The following ZFAT variants were observed in gnomAD, a reference collection of about 807,000 sequenced individuals.
ZFAT encodes zinc finger protein ZFAT.
In ZFAT, 64 loss-of-function variants were observed where a neutral mutation model predicts 117.7. That is an observed-to-expected ratio of 0.54 (90% CI 0.44 to 0.67). The LOEUF (loss-of-function observed/expected upper bound fraction) is 0.67, where lower values mean the gene tolerates loss of function less well. Ranked by LOEUF, ZFAT falls within the 30% of genes least tolerant of loss-of-function variation. The pLI, the probability that ZFAT is intolerant of heterozygous loss-of-function variation, is 0.00. For synonymous variants in ZFAT, 679 were observed against 615.0 expected (o/e 1.10, Z -1.54); for missense variants, 1,433 against 1,584.5 (o/e 0.90, Z 1.62).
At chr8:134,560,730 G>C (rs1823986813) in intron 11 of ZFAT, among the ~76,000 whole-genome samples, 1 of 152,148 alleles carries the variant, frequency 6.6e-6, no homozygotes, top group Non-Finnish European at 1.5e-5. Context: ...AAAGCAAAGA[G>C]TTGAATAGCT....
At position 134,712,908 on chromosome 8, in the gene ZFAT, G is replaced by C. The variant is rs1465919644; in HGVS notation, c.-45C>G. ...GGAAAAAAAAGCCTCGGGCTCTTCCGGGCCCCCTCCCGTGCCGACCGAGGG... is the reference window on the plus strand; with the variant it reads ...GGAAAAAAAAGCCTCGGGCTCTTCCCGGCCCCCTCCCGTGCCGACCGAGGG... On this transcript the variant is annotated 5_prime_UTR_variant, in exon 1 of 16. Coordinates refer to ENST00000377838, the MANE Select transcript of ZFAT (RefSeq NM_020863.4). 2 of 1,460,164 alleles carry C rather than the reference G, an allele frequency of 1.4e-6. No individual in the cohort carries two copies. Among genetic ancestry groups the C allele is most frequent in the African/African-American group, 3.0e-5 (2 of 65,874 alleles). The allele number at this position is 1,460,164 out of a possible 1,614,324, so 90.5% of individuals were successfully genotyped here.
chr8:134,664,447 G>A (rs1832106576), intron 1 of ZFAT, among the ~76,000 whole-genome samples: 2 of 152,180 alleles, frequency 1.3e-5, no homozygotes, highest in East Asian at 1.9e-4. Flanking sequence ...CCCCAGGGGC[G>A]CTCTATGCTG....
At chr8:134,757,406 T>C in the ZFAT span, among the ~76,000 whole-genome samples, 46 of 152,290 alleles carry the variant, frequency 3.0e-4, 1 homozygote, top group South Asian at 9.3e-3. Context: ...TTTGCAGGGA[T>C]TCCTGTCTAA....
intron 14 of ZFAT, chr8:134,510,072 T>G: frequency 2.1e-6 from 1 of 468,694 alleles, no homozygotes; most frequent in Non-Finnish European, 4.2e-6. Flanking sequence ...GTGCTCTGAG[T>G]CCTAACATGC....
At chr8:134,503,749 C>A (rs962430024) in intron 15 of ZFAT, among the ~76,000 whole-genome samples, 2 of 152,106 alleles carry the variant, frequency 1.3e-5, no homozygotes, top group Non-Finnish European at 2.9e-5. Context: ...GTTTTTCCTG[C>A]CTTTGATCTC....
At chr8:134,832,315 T>A in the ZFAT span, among the ~76,000 whole-genome samples, 1 of 151,550 alleles carries the variant, frequency 6.6e-6, no homozygotes, top group Non-Finnish European at 1.5e-5. Flanking sequence ...AGAGCGGCTG[T>A]GCGCGCGCGT....
chr8:134,639,735 C>T, intron 2 of ZFAT: 1 of 456,310 alleles, frequency 2.2e-6, no homozygotes, highest in Non-Finnish European at 4.4e-6. Context: ...CAATTCATAT[C>T]AGAGAAGCAG....
intron 3 of ZFAT, among the ~76,000 whole-genome samples, chr8:134,625,178 A>G (rs879332001): frequency 1.7e-4 from 26 of 152,344 alleles, no homozygotes; most frequent in Middle Eastern, 6.8e-3. Flanking sequence ...ACTACAGGGG[A>G]AGAACAGGCA....
chr8:134,648,947 A>C (rs1349191747), intron 2 of ZFAT, among the ~76,000 whole-genome samples: 1 of 152,114 alleles, frequency 6.6e-6, no homozygotes, highest in Non-Finnish European at 1.5e-5. Flanking sequence ...AGATCTATCC[A>C]AAAGTTACAA....
chr8:134,658,288 G>A (rs558729298), intron 1 of ZFAT, among the ~76,000 whole-genome samples: 56 of 141,454 alleles, frequency 4.0e-4, no homozygotes, highest in Middle Eastern at 3.9e-3. Flanking sequence ...AGTGAGCCGA[G>A]ATCACGCCAC....
At chr8:134,533,177 C>T (rs10109338) in intron 11 of ZFAT, among the ~76,000 whole-genome samples, 12,630 of 152,254 alleles carry the variant, frequency 0.083, 683 homozygotes, top group African/African-American at 0.14. Context: ...GGACAAGGTG[C>T]CCCAGAGGAG....
At chr8:134,635,490 G>C (rs1193606857) in intron 3 of ZFAT, among the ~76,000 whole-genome samples, 1 of 152,218 alleles carries the variant, frequency 6.6e-6, no homozygotes. Context: ...GAAGGGCTCA[G>C]GCAGTGCAGA....
intron 14 of ZFAT, chr8:134,510,272 A>G (rs2130367467): frequency 4.8e-6 from 2 of 412,906 alleles, no homozygotes; most frequent in South Asian, 3.4e-5. Context: ...TATTTTAACC[A>G]TCTCTAAAGA....
At chr8:134,547,053 C>A (rs185459236) in intron 11 of ZFAT, among the ~76,000 whole-genome samples, 1 of 152,320 alleles carries the variant, frequency 6.6e-6, no homozygotes, top group Admixed American at 6.5e-5. Flanking sequence ...GTTTCTACTA[C>A]ATGCCTCAGT....
chr8:134,509,567 A>C, intron 15 of ZFAT, 52 bp downstream of exon 15: 1 of 1,609,222 alleles, frequency 6.2e-7, no homozygotes, highest in Non-Finnish European at 8.5e-7. Flanking sequence ...GAAGGAGAGA[A>C]CCTGACTGTG....
intron 4 of ZFAT, among the ~76,000 whole-genome samples, chr8:134,610,111 A>C (rs1828210683): frequency 6.6e-6 from 1 of 152,232 alleles, no homozygotes; most frequent in African/African-American, 2.4e-5. Flanking sequence ...CCTCACATGC[A>C]GGACAGCATG....
chr8:134,701,629 C>T (rs912799959), intron 1 of ZFAT, among the ~76,000 whole-genome samples: 1 of 152,234 alleles, frequency 6.6e-6, no homozygotes, highest in Non-Finnish European at 1.5e-5. Flanking sequence ...TTCCAACAAA[C>T]AGTGAACAAA....
At chr8:134,697,310 C>T (rs988396935) in intron 1 of ZFAT, among the ~76,000 whole-genome samples, 20 of 151,684 alleles carry the variant, frequency 1.3e-4, no homozygotes, top group African/African-American at 4.6e-4. Flanking sequence ...GACAGGGTTT[C>T]ACTATCTTGG....
the ZFAT span, among the ~76,000 whole-genome samples, chr8:134,748,407 C>A: frequency 1.3e-5 from 2 of 152,080 alleles, no homozygotes; most frequent in Non-Finnish European, 2.9e-5. Context: ...TTTTTTTCCT[C>A]AACATTTCAT....
Sources: gnomAD v4.1 joint callset for allele counts (sites outside exome capture counted in the v4.1 genomes callset) on GRCh38, gnomAD v4.1.1 for gene constraint, MANE v1.5 for transcripts, NCBI Gene and HGNC (gene_info 2026-07-23, HGNC 2026-07-21) for gene names.